FAM3D: variants seen among roughly 807,000 people sequenced by gnomAD.
The protein encoded by FAM3D is FAM3 metabolism regulating signaling molecule D.
In FAM3D, 26 loss-of-function variants were observed where a neutral mutation model predicts 29.8. The observed-to-expected ratio is 0.87, with a 90% CI of 0.64 to 1.21. FAM3D has a LOEUF of 1.21. FAM3D is among the 50% of genes most tolerant of loss of function. The pLI, the probability that FAM3D is intolerant of heterozygous loss-of-function variation, is 0.00. For synonymous variants in FAM3D, 115 were observed against 102.3 expected (o/e 1.12, Z -0.75); for missense variants, 253 against 290.9 (o/e 0.87, Z 0.95).
chr3:58,651,118 T>A (rs2066625914), intron 3 of FAM3D, among the ~76,000 whole-genome samples: 2 of 152,220 alleles, frequency 1.3e-5, no homozygotes, highest in South Asian at 4.1e-4. Context: ...GAAAAGCCCA[T>A]GAACTCCTCT....
chr3:58,656,793 A>G (rs1164712731), intron 1 of FAM3D, among the ~76,000 whole-genome samples: 1 of 152,240 alleles, frequency 6.6e-6, no homozygotes, highest in East Asian at 1.9e-4. Flanking sequence ...GACTGGGCTC[A>G]TGCCTGGCAC....
chr3:58,655,530 A>C, intron 2 of FAM3D, 21 bp downstream of exon 2: 1 of 1,613,484 alleles, frequency 6.2e-7, no homozygotes, highest in Non-Finnish European at 8.5e-7. Flanking sequence ...AAATGACTCC[A>C]AAACCAATTT....
In FAM3D at chr3:58,634,186, C is replaced by T; in HGVS notation, c.*93G>A. ...CTGCAGCACCTTCCACGCAGCACCC[C>T]CTGCTCCTCCTCCTCAGCCCCTGCC... is the stretch of plus-strand genomic sequence containing the variant. On this transcript the variant is annotated 3_prime_UTR_variant, in exon 10 of 10. Transcript: ENST00000358781. This position sits in a 1 kb window ranked among gnomAD's most constrained non-coding sequence, Gnocchi z 4.6. 1.7e-6 allele frequency: 2 copies of T among 1,169,434 alleles called. No individual in the cohort carries two copies. The highest frequency in any genetic ancestry group is 2.5e-6 in the Non-Finnish European group (2 of 811,080). 72.4% of individuals were successfully genotyped at this position (1,169,434 alleles called of 1,614,324 possible).
intron 2 of FAM3D, among the ~76,000 whole-genome samples, chr3:58,654,145 G>A (rs944064515): frequency 7.2e-5 from 11 of 152,236 alleles, no homozygotes; most frequent in African/African-American, 2.2e-4. Flanking sequence ...TGCAGTGGGA[G>A]GGCAGGACTC....
Position 58,634,832 on chromosome 3 carries a change from G to A in FAM3D, c.586-464C>T, listed in dbSNP as rs563453764. 1.5e-4 allele frequency among the ~76,000 whole-genome samples: 23 copies of A among 152,084 alleles called. No individual in the cohort carries two copies. Among genetic ancestry groups the A allele is most frequent in the East Asian group, 3.9e-4 (2 of 5,194 alleles). ...GCTGAGGCACAGAGGGTCACTGCCC[G>A]TAGTCACTGGCTGGTAAGTGGCAGA... On this transcript the variant is annotated intron_variant, in intron 9 of 9. Transcript: ENST00000358781. This position sits in a 1 kb window ranked among gnomAD's most constrained non-coding sequence, Gnocchi z 4.6.
At position 58,652,978 on chromosome 3, in the gene FAM3D, G is replaced by GTTT. The variant is rs59073252; in HGVS notation, c.121+693_121+695dup. Among the ~76,000 whole-genome samples, 144 of 138,782 alleles carry GTTT rather than the reference G, an allele frequency of 1.0e-3. 4 individuals are homozygous for GTTT. The highest frequency in any genetic ancestry group is 2.9e-3 in the South Asian group (13 of 4,452). 91.0% of individuals were successfully genotyped at this position (138,782 alleles called of 152,430 possible). On this transcript the variant is annotated intron_variant, in intron 3 of 9. Transcript: ENST00000358781. ...CACCCATTTATCCATCCATCCATCC[G>GTTT]TTTTTTTTTTTTCACTCATCAAATG...
At chr3:58,663,055 T>A (rs773854975) in intron 1 of FAM3D, among the ~76,000 whole-genome samples, 2 of 152,206 alleles carry the variant, frequency 1.3e-5, no homozygotes, top group Non-Finnish European at 2.9e-5. Context: ...TCCGCCCCCA[T>A]GCCCAGCTAA....
At chr3:58,646,469 C>T (rs1294669459) in intron 4 of FAM3D, among the ~76,000 whole-genome samples, 1 of 152,194 alleles carries the variant, frequency 6.6e-6, no homozygotes, top group African/African-American at 2.4e-5. Context: ...GCGGCTGAGC[C>T]CTCAACGTGC....
Position 58,653,638 on chromosome 3 carries a change from C to T in FAM3D, c.121+36G>A. 3 of 1,585,984 alleles carry T rather than the reference C, an allele frequency of 1.9e-6. No individual in the cohort carries two copies. The Admixed American group carries it at 5.0e-5, about 26-fold the overall frequency. On this transcript the variant is annotated intron_variant, in intron 3 of 9. Transcript: ENST00000358781. ...TATGTCTTCGGCCCCCAGGCCTGGTCTGCAGTTCCTGCCCCCAGCAGTGAG... is the reference window on the plus strand; with the variant it reads ...TATGTCTTCGGCCCCCAGGCCTGGTTTGCAGTTCCTGCCCCCAGCAGTGAG...
intron 1 of FAM3D, 58 bp from the exon 2 acceptor site, chr3:58,655,659 C>G: frequency 2.1e-6 from 3 of 1,426,284 alleles, no homozygotes; most frequent in Non-Finnish European, 2.9e-6. Flanking sequence ...GTGATCAAGC[C>G]TGAAGATGAG....
chr3:58,649,404 G>A lies in FAM3D; in HGVS notation c.122-66C>T, dbSNP rs563725136. On this transcript the variant is annotated intron_variant, in intron 3 of 9. Coordinates refer to ENST00000358781, the MANE Select transcript of FAM3D (RefSeq NM_138805.3). ...GGACCCTCCTGCAGGATGGAGGTTG[G>A]GGGCTGGGGGCTGGGGAGTGGGAAT... 35 of 1,589,150 alleles carry A rather than the reference G, an allele frequency of 2.2e-5. 1 individual carries two copies. In the Admixed American group the frequency reaches 4.8e-4, roughly 22 times the overall value.
chr3:58,644,450 T>C (rs2066420938), intron 5 of FAM3D, among the ~76,000 whole-genome samples: 1 of 152,248 alleles, frequency 6.6e-6, no homozygotes, highest in Non-Finnish European at 1.5e-5. Context: ...CCATGTAAGA[T>C]GTGACTTGCT....
chr3:58,639,689 G>C (rs1207931664), intron 7 of FAM3D, among the ~76,000 whole-genome samples: 2 of 152,216 alleles, frequency 1.3e-5, no homozygotes, highest in Non-Finnish European at 2.9e-5. Flanking sequence ...CAGAAGCCTG[G>C]GGGTGGGGCA....
intron 4 of FAM3D, among the ~76,000 whole-genome samples, chr3:58,647,727 T>C (rs897509210): frequency 4.6e-5 from 7 of 152,164 alleles, no homozygotes; most frequent in Non-Finnish European, 8.8e-5. Context: ...GGTTCTGGCA[T>C]AGAAGGCTGC....
At chr3:58,644,259 G>T (rs1398416802) in intron 5 of FAM3D, among the ~76,000 whole-genome samples, 2 of 152,216 alleles carry the variant, frequency 1.3e-5, no homozygotes, top group Non-Finnish European at 2.9e-5. Flanking sequence ...ATATGGTTTG[G>T]CTGTGTCCCC....
In FAM3D at chr3:58,645,524, C is replaced by T; in HGVS notation, c.248G>A (p.Cys83Tyr). The T allele has an allele frequency of 6.2e-7, 1 of 1,613,868 alleles. No individual in the cohort carries two copies. Among genetic ancestry groups the T allele is most frequent in the Non-Finnish European group, 8.5e-7 (1 of 1,179,846 alleles). ...GAANVVGPTM[C>Y]FEDRMIMSPV... The stretch of plus-strand genomic sequence containing the variant: ...AGGTACTTACATGCGGTCTTCAAAG[C>T]ACATAGTAGGGCCCACGACGTTGGC... The change falls in exon 5 of 10, where the codon TGC becomes TAC. Residue 83 changes from cysteine (C) to tyrosine (Y), a missense_variant. Transcript: ENST00000358781.
chr3:58,643,651 A>G lies in FAM3D; in HGVS notation c.322+11T>C. 1 of 1,613,246 alleles carries G rather than the reference A, an allele frequency of 6.2e-7. No homozygotes were observed. Among genetic ancestry groups the G allele is most frequent in the South Asian group, 1.1e-5 (1 of 91,020 alleles). ...GGGTGGGAACTGTCTGGGGATGGAT[A>G]TGCAACTCACCATTCACCAGGGCGA... On this transcript the variant is annotated intron_variant, in intron 6 of 9. Transcript: ENST00000358781.
intron 1 of FAM3D, among the ~76,000 whole-genome samples, chr3:58,655,956 C>T (rs563539770): frequency 6.6e-6 from 1 of 152,290 alleles, no homozygotes; most frequent in East Asian, 1.9e-4. Flanking sequence ...CATTCATCAA[C>T]CCATCAGTTG....
chr3:58,644,461 C>T (rs1013039751), intron 5 of FAM3D, among the ~76,000 whole-genome samples: 2 of 152,224 alleles, frequency 1.3e-5, no homozygotes, highest in African/African-American at 2.4e-5. Flanking sequence ...GTGACTTGCT[C>T]CTCCTTTGCC....
Sources: gnomAD v4.1 joint callset for allele counts (sites outside exome capture counted in the v4.1 genomes callset) on GRCh38, gnomAD v4.1.1 for gene constraint, Gnocchi (gnomAD v3.1) non-coding constraint, MANE v1.5 for transcripts, NCBI Gene and HGNC (gene_info 2026-07-23, HGNC 2026-07-21) for gene names.